Variants in NPHP1 observed in about 807,000 individuals in gnomAD.
NPHP1 encodes nephrocystin 1.
In NPHP1, 70 loss-of-function variants were observed where a neutral mutation model predicts 90.4. The observed-to-expected ratio is 0.77, with a 90% confidence interval of 0.64 to 0.95. The LOEUF (loss-of-function observed/expected upper bound fraction) is 0.95, where lower values mean the gene tolerates loss of function less well. NPHP1 is among the 40% of genes least tolerant of loss of function. The pLI is 0.00. For synonymous variants in NPHP1, 256 were observed against 271.7 expected (o/e 0.94, Z 0.57); for missense variants, 764 against 795.9 (o/e 0.96, Z 0.48).
In NPHP1 at chr2:110,144,211, C is replaced by T. The variant is rs1303850311; in HGVS notation, c.1429+282G>A. On this transcript the variant is annotated intron_variant, in intron 15 of 19. Coordinates refer to ENST00000445609, the MANE Select transcript of NPHP1 (RefSeq NM_001128178.3). ...ATCCTTTGACCCAGCAATAGGCAGT[C>T]TCTGTATTAGTCACAAGTATCAGTT... The T allele has an allele frequency of 2.5e-5, 11 of 432,886 alleles. 1 individual carries two copies. Among genetic ancestry groups the T allele is most frequent in the South Asian group, 1.8e-4 (7 of 39,126 alleles). 26.8% of individuals were successfully genotyped at this position (432,886 alleles called of 1,614,324 possible). A position where few individuals can be genotyped will look rare whatever the true frequency, so the allele number is the denominator to read the frequency against.
At chr2:110,158,373 T>C (rs908532199) in intron 11 of NPHP1, among the ~76,000 whole-genome samples, 1 of 152,114 alleles carries the variant, frequency 6.6e-6, no homozygotes, top group Non-Finnish European at 1.5e-5. Flanking sequence ...CTGCTTGTCC[T>C]ATATTACTGA....
chr2:110,192,066 G>A (rs1248025647), intron 2 of NPHP1, among the ~76,000 whole-genome samples: 12 of 152,080 alleles, frequency 7.9e-5, no homozygotes, highest in African/African-American at 2.7e-4. Context: ...AAAAAACAGA[G>A]CAGAAAAACT....
At chr2:110,184,407 C>T (rs999316856) in intron 2 of NPHP1, 2 of 626,750 alleles carry the variant, frequency 3.2e-6, no homozygotes, top group Non-Finnish European at 5.9e-6. Flanking sequence ...TTTAAACCCA[C>T]AAAGACACCA....
intron 1 of NPHP1, chr2:110,202,275 GAAGATA>G (rs1685619616): frequency 3.2e-6 from 1 of 308,634 alleles, no homozygotes; most frequent in Non-Finnish European, 6.8e-6. Flanking sequence ...ATTACGTAGA[GAAGATA>G]AAGTGGATGA....
chr2:110,189,771 C>A (rs1483100388), intron 2 of NPHP1, among the ~76,000 whole-genome samples: 2 of 152,198 alleles, frequency 1.3e-5, no homozygotes, highest in Non-Finnish European at 2.9e-5. Flanking sequence ...TCCAGGTCCC[C>A]ACTAGATTAG....
intron 2 of NPHP1, among the ~76,000 whole-genome samples, chr2:110,182,161 T>C (rs76413811): frequency 0.091 from 13,772 of 152,042 alleles, 1,071 homozygotes; most frequent in African/African-American, 0.21. Context: ...CGTGACTTAT[T>C]GGGGTACCTA....
At chr2:110,146,727 T>G (rs940846782) in intron 14 of NPHP1, 26 bp downstream of exon 14, 10 of 1,515,626 alleles carry the variant, frequency 6.6e-6, no homozygotes, top group Admixed American at 3.3e-5. Context: ...AAGTATTCAT[T>G]CGTTAGGAAT....
chr2:110,184,823 G>A, intron 2 of NPHP1: 1 of 708,236 alleles, frequency 1.4e-6, no homozygotes, highest in Non-Finnish European at 2.7e-6. Flanking sequence ...CAGCACCATT[G>A]AGATTGGTCC....
intron 11 of NPHP1, among the ~76,000 whole-genome samples, chr2:110,153,109 G>A (rs1681617286): frequency 1.3e-5 from 2 of 152,118 alleles, no homozygotes; most frequent in Admixed American, 1.3e-4. Context: ...CAATTTGAAT[G>A]ATGATGAATT....
At chr2:110,196,499 G>A (rs1443390642) in intron 2 of NPHP1, among the ~76,000 whole-genome samples, 1 of 152,090 alleles carries the variant, frequency 6.6e-6, no homozygotes, top group Non-Finnish European at 1.5e-5. Flanking sequence ...AAAAAGTCAG[G>A]AAACAACAAG....
Position 110,144,658 on chromosome 2 carries a change from TATACTC to T in NPHP1, c.1353-95_1353-90del, listed in dbSNP as rs138809408. The T allele has an allele frequency of 0.013, 10,097 of 780,586 alleles. 654 individuals are homozygous for T. In the African/African-American group the frequency reaches 0.15, roughly 11 times the overall value. 48.4% of individuals were successfully genotyped at this position (780,586 alleles called of 1,614,324 possible). On this transcript the variant is annotated intron_variant, in intron 14 of 19. Transcript: ENST00000445609. ...GTAGTTAAATATTTTTTAGCACTAA[TATACTC>T]AGACATTTCATTTATGCCTCGTTGG...
chr2:110,156,703 A>G (rs1325478738), intron 11 of NPHP1, among the ~76,000 whole-genome samples: 1 of 151,758 alleles, frequency 6.6e-6, no homozygotes, highest in Non-Finnish European at 1.5e-5. Flanking sequence ...CTCAAACATT[A>G]CTGGAAGTTG....
At chr2:110,177,507 C>G (rs557833078) in intron 4 of NPHP1, among the ~76,000 whole-genome samples, 4 of 152,122 alleles carry the variant, frequency 2.6e-5, no homozygotes, top group African/African-American at 7.2e-5. Flanking sequence ...AAATAACACT[C>G]CAAGGAAATG....
intron 6 of NPHP1, among the ~76,000 whole-genome samples, chr2:110,168,236 A>C (rs1682849710): frequency 1.3e-5 from 2 of 152,312 alleles, no homozygotes; most frequent in South Asian, 4.1e-4. Flanking sequence ...TCATTGTGAG[A>C]TCACGTTCCA....
chr2:110,124,880 T>G (rs1679239993), intron 19 of NPHP1: 1 of 223,292 alleles, frequency 4.5e-6, no homozygotes, highest in Admixed American at 5.2e-5. Context: ...AATTGTTTCC[T>G]AATTTTTAGG....
At chr2:110,204,591 A>T (rs1335038719) in intron 1 of NPHP1, among the ~76,000 whole-genome samples, 4 of 152,088 alleles carry the variant, frequency 2.6e-5, no homozygotes, top group Admixed American at 2.6e-4. Context: ...AAGGTGGGTT[A>T]GTGAGTTGTT....
chr2:110,137,607 A>T (rs1264492496), intron 16 of NPHP1, among the ~76,000 whole-genome samples: 1 of 152,222 alleles, frequency 6.6e-6, no homozygotes, highest in East Asian at 1.9e-4. Flanking sequence ...GAGAAATGCA[A>T]ATCAAAACCA....
At chr2:110,175,492 T>C (rs1220371872) in intron 4 of NPHP1, among the ~76,000 whole-genome samples, 3 of 152,188 alleles carry the variant, frequency 2.0e-5, no homozygotes, top group Non-Finnish European at 2.9e-5. Flanking sequence ...TCTGAGTTGA[T>C]GGTTTCTTCT....
At chr2:110,125,064 T>G (rs1232174960) in intron 19 of NPHP1, 17 of 767,334 alleles carry the variant, frequency 2.2e-5, no homozygotes, top group Non-Finnish European at 3.3e-5. Flanking sequence ...GCTGCTTTTG[T>G]GTTACAACAC....
Sources: gnomAD v4.1 joint callset for allele counts (sites outside exome capture counted in the v4.1 genomes callset) on GRCh38, gnomAD v4.1.1 for gene constraint, MANE v1.5 for transcripts, NCBI Gene and HGNC (gene_info 2026-07-23, HGNC 2026-07-21) for gene names.